Variants in DNAH9 observed in about 807,000 individuals in gnomAD.
The protein encoded by DNAH9 is DNAH9 variant protein.
Under a neutral mutation model 471.6 loss-of-function variants are expected in DNAH9, and 345 were observed. The observed-to-expected ratio is 0.73, with a 90% CI of 0.67 to 0.80. DNAH9 has a LOEUF of 0.80. Ranked by LOEUF, DNAH9 falls within the 30% of genes least tolerant of loss-of-function variation. The pLI, the probability that DNAH9 is intolerant of heterozygous loss-of-function variation, is 0.00. For missense variants in DNAH9, 5,407 were observed against 5,609.2 expected, an observed-to-expected ratio of 0.96 and a Z score of 1.15; for synonymous variants, 2,093 against 2,123.6, an observed-to-expected ratio of 0.99 and a Z score of 0.40.
intron 43 of DNAH9, among the ~76,000 whole-genome samples, chr17:11,801,167 A>T (rs540043116): frequency 6.6e-6 from 1 of 152,226 alleles, no homozygotes; most frequent in Non-Finnish European, 1.5e-5. Context: ...AGAGGAGAGA[A>T]GTTGCCTAAG....
intron 55 of DNAH9, among the ~76,000 whole-genome samples, chr17:11,881,975 A>G (rs1046411468): frequency 6.6e-6 from 1 of 152,200 alleles, no homozygotes; most frequent in African/African-American, 2.4e-5. Context: ...AGAGCCTGGC[A>G]TGAACATGAG....
intron 67 of DNAH9, among the ~76,000 whole-genome samples, chr17:11,950,877 G>A (rs1015508772): frequency 1.3e-5 from 2 of 152,038 alleles, no homozygotes; most frequent in Non-Finnish European, 2.9e-5. Flanking sequence ...CCTCGCTCTG[G>A]CCCAGTCCTC....
intron 28 of DNAH9, among the ~76,000 whole-genome samples, chr17:11,729,713 G>A (rs2075224524): frequency 6.6e-6 from 1 of 152,176 alleles, no homozygotes; most frequent in Non-Finnish European, 1.5e-5. Context: ...CCCTGGCGGG[G>A]AAAGATGACT....
chr17:11,684,435 T>G (rs1288936405), intron 19 of DNAH9, among the ~76,000 whole-genome samples: 1 of 152,198 alleles, frequency 6.6e-6, no homozygotes, highest in African/African-American at 2.4e-5. Context: ...TAAATCATCT[T>G]ACTCAGATTC....
chr17:11,679,334 A>G (rs184798787), intron 17 of DNAH9, among the ~76,000 whole-genome samples: 87 of 152,358 alleles, frequency 5.7e-4, no homozygotes, highest in Middle Eastern at 6.8e-3. Context: ...TTCACAAAGC[A>G]ATGCTATCGC....
intron 43 of DNAH9, among the ~76,000 whole-genome samples, chr17:11,804,515 A>C (rs1008781882): frequency 9.2e-5 from 14 of 152,374 alleles, no homozygotes; most frequent in Admixed American, 5.9e-4. Flanking sequence ...CTTCATAAAC[A>C]TTTAAAAATG....
chr17:11,753,049 T>C, intron 33 of DNAH9, 89 bp downstream of exon 33: 1 of 1,086,726 alleles, frequency 9.2e-7, no homozygotes, highest in Admixed American at 2.5e-5. Flanking sequence ...AAATCTAGAT[T>C]CCACATGATG....
Position 11,937,192 on chromosome 17 carries a change from C to G in DNAH9, c.12490-160C>G, listed in dbSNP as rs1409477828. Among the ~76,000 whole-genome samples, 3 of 152,122 alleles carry G rather than the reference C, an allele frequency of 2.0e-5. No individual in the cohort carries two copies. Among genetic ancestry groups the G allele is most frequent in the African/African-American group, 7.2e-5 (3 of 41,420 alleles). On this transcript the variant is annotated intron_variant, in intron 65 of 68. Coordinates refer to ENST00000262442, the MANE Select transcript of DNAH9 (RefSeq NM_001372.4). This position sits in a 1 kb window ranked among gnomAD's most constrained non-coding sequence, Gnocchi z 4.1. ...CAAAAATGGATGATGTCAAGGTGCA[C>G]TAATAGGTGGAGAGGGTGATGAAGT...
intron 35 of DNAH9, among the ~76,000 whole-genome samples, chr17:11,762,770 G>GTTTTTTTGTTTTTTTTT (rs1967748547): frequency 1.1e-5 from 1 of 90,744 alleles, no homozygotes; most frequent in African/African-American, 4.1e-5. Flanking sequence ...TTTTTTTTTT[G>GTTTTTTTGTTTTTTTTT]TTTTTTTTTT....
chr17:11,788,829 A>G (rs1968964825), intron 41 of DNAH9, among the ~76,000 whole-genome samples: 1 of 152,116 alleles, frequency 6.6e-6, no homozygotes. Context: ...TTACAGGGAA[A>G]CACTTTTAAT....
chr17:11,842,799 A>G (rs1022756155), intron 49 of DNAH9, among the ~76,000 whole-genome samples: 25 of 152,132 alleles, frequency 1.6e-4, no homozygotes, highest in Non-Finnish European at 2.1e-4. Flanking sequence ...TGCCCACCCA[A>G]ACTGAGAGTG....
At chr17:11,740,632 C>G (rs2075419051) in intron 29 of DNAH9, among the ~76,000 whole-genome samples, 1 of 152,148 alleles carries the variant, frequency 6.6e-6, no homozygotes, top group African/African-American at 2.4e-5. Flanking sequence ...ACATATTTTT[C>G]AAAATAGTAA....
intron 49 of DNAH9, among the ~76,000 whole-genome samples, chr17:11,849,901 T>C (rs747476380): frequency 5.9e-5 from 9 of 152,084 alleles, no homozygotes; most frequent in Non-Finnish European, 8.8e-5. Context: ...ACTGCACACA[T>C]ATTGATTCAT....
chr17:11,790,832 G>T, intron 41 of DNAH9, among the ~76,000 whole-genome samples: 1 of 151,668 alleles, frequency 6.6e-6, no homozygotes, highest in African/African-American at 2.4e-5. Flanking sequence ...TCATCTAATG[G>T]TTACCAAAAG....
chr17:11,880,219 G>C lies in DNAH9; in HGVS notation c.10601+19G>C, dbSNP rs1192918769. On this transcript the variant is annotated intron_variant, in intron 54 of 68. Transcript: ENST00000262442. ...AAGGACGGTAAGACTCAGCTGTGTTGCTGACCCTTCGGGGGGAGCTGGTTC... is the reference window on the plus strand; with the variant it reads ...AAGGACGGTAAGACTCAGCTGTGTTCCTGACCCTTCGGGGGGAGCTGGTTC... 12 of 1,611,496 alleles carry C rather than the reference G, an allele frequency of 7.4e-6. No individual in the cohort carries two copies. In the East Asian group the frequency reaches 2.5e-4, roughly 33 times the overall value.
intron 14 of DNAH9, among the ~76,000 whole-genome samples, chr17:11,657,897 A>C (rs1333148262): frequency 6.6e-6 from 1 of 152,040 alleles, no homozygotes; most frequent in Non-Finnish European, 1.5e-5. Flanking sequence ...CTTGTTCTTG[A>C]TTATTGATCA....
At chr17:11,720,925 C>T (rs557466279) in intron 27 of DNAH9, among the ~76,000 whole-genome samples, 114 of 152,228 alleles carry the variant, frequency 7.5e-4, no homozygotes, top group African/African-American at 2.5e-3. Flanking sequence ...TTTTCTCCCC[C>T]CTTTATAGAA....
chr17:11,854,919 A>G (rs1446659339), intron 50 of DNAH9, among the ~76,000 whole-genome samples: 1 of 152,200 alleles, frequency 6.6e-6, no homozygotes, highest in African/African-American at 2.4e-5. Context: ...TAAAACTGTG[A>G]GGGTCATTAG....
chr17:11,687,549 A>G (rs559648275), intron 19 of DNAH9, among the ~76,000 whole-genome samples: 1 of 152,294 alleles, frequency 6.6e-6, no homozygotes, highest in Non-Finnish European at 1.5e-5. Context: ...AAACACATGC[A>G]TGTACACACA....
Sources: gnomAD v4.1 joint callset for allele counts (sites outside exome capture counted in the v4.1 genomes callset) on GRCh38, gnomAD v4.1.1 for gene constraint, Gnocchi (gnomAD v3.1) non-coding constraint, MANE v1.5 for transcripts, NCBI Gene and HGNC (gene_info 2026-07-23, HGNC 2026-07-21) for gene names.